Variants in MACF1 observed in about 807,000 individuals in gnomAD.
MACF1 encodes microtubule actin crosslinking factor 1.
MACF1 carries 193 observed loss-of-function variants against 854.8 expected under a neutral mutation model. The observed-to-expected ratio is 0.23, with a 90% CI of 0.20 to 0.25. MACF1 has a LOEUF of 0.25. Ranked by LOEUF, MACF1 falls within the 10% of genes least tolerant of loss-of-function variation. MACF1 has a pLI of 1.00. For synonymous variants in MACF1, 3,185 were observed against 3,226.7 expected (o/e 0.99, Z 0.44); for missense variants, 7,722 against 8,929.1 (o/e 0.86, Z 5.45).
intron 6 of MACF1, among the ~76,000 whole-genome samples, chr1:39,278,132 G>C (rs544103197): frequency 1.3e-5 from 2 of 152,314 alleles, no homozygotes; most frequent in East Asian, 3.9e-4. Flanking sequence ...AAAAAGCCCA[G>C]ATGAGGGAGA....
rs10588247 is a variant in MACF1, at chr1:39,389,351, GTTTTTTTTTTTT to G, written c.15816+707_15816+718del. 1.3e-4 allele frequency among the ~76,000 whole-genome samples: 8 copies of G among 63,484 alleles called. No homozygotes were observed. The South Asian group carries it at 3.0e-3, about 24-fold the overall frequency. 41.6% of individuals were successfully genotyped at this position (63,484 alleles called of 152,430 possible). A position where few individuals can be genotyped will look rare whatever the true frequency, so the allele number is the denominator to read the frequency against. ...ATCTTCAGGTCTCTGGTTTTTGTGT[GTTTTTTTTTTTT>G]TTTTTTTTTTTTTGGAGACAGAGTC... On this transcript the variant is annotated intron_variant, in intron 58 of 100. Transcript: ENST00000564288.
chr1:39,337,521 T>C (rs1022580296), intron 38 of MACF1, among the ~76,000 whole-genome samples, 190 bp downstream of exon 38: 2 of 151,420 alleles, frequency 1.3e-5, no homozygotes, highest in Non-Finnish European at 2.9e-5. Context: ...CAGGATAAAC[T>C]TGAACAGACC....
At chr1:39,240,387 C>T (rs1027703381) in intron 2 of MACF1, among the ~76,000 whole-genome samples, 3 of 152,172 alleles carry the variant, frequency 2.0e-5, no homozygotes, top group African/African-American at 7.2e-5. Context: ...CTTAATTTCA[C>T]TCTAAATGCT....
intron 2 of MACF1, among the ~76,000 whole-genome samples, chr1:39,177,239 G>T (rs1366362605): frequency 6.6e-6 from 1 of 152,136 alleles, no homozygotes; most frequent in Non-Finnish European, 1.5e-5. Context: ...AGGTTCAAGC[G>T]ATTCTCCTGC....
chr1:39,398,973 C>G (rs535862149), intron 58 of MACF1, among the ~76,000 whole-genome samples: 1 of 152,256 alleles, frequency 6.6e-6, no homozygotes, highest in South Asian at 2.1e-4. Flanking sequence ...AACAAAGGAC[C>G]CTCTGTTAAG....
At chr1:39,278,867 T>A (rs1645490259) in intron 6 of MACF1, among the ~76,000 whole-genome samples, 1 of 152,134 alleles carries the variant, frequency 6.6e-6, no homozygotes, top group South Asian at 2.1e-4. Flanking sequence ...CAGCCCCAGG[T>A]AGATCTGGAG....
intron 31 of MACF1, among the ~76,000 whole-genome samples, chr1:39,322,233 A>G (rs1365115052): frequency 6.6e-6 from 1 of 152,238 alleles, no homozygotes; most frequent in Non-Finnish European, 1.5e-5. Context: ...TGAGCAAACT[A>G]TGACCCACAG....
rs1322786827 is a variant in MACF1 at position 39,103,097 on chromosome 1, T to TA, written c.220+18660dup. On this transcript the variant is annotated intron_variant, in intron 2 of 93. Transcript: ENST00000361689. ...CAATTTGAGTCTTAGAGAAGCTCTC[T>TA]AGCCACAACCTAAAGCAGAAGTTTC... is the stretch of plus-strand genomic sequence containing the variant. 4 of 584,958 alleles carry TA rather than the reference T, an allele frequency of 6.8e-6. No homozygotes were observed. The African/African-American group carries it at 7.4e-5, about 11-fold the overall frequency. The allele number at this position is 584,958 out of a possible 1,614,324, so 36.2% of individuals were successfully genotyped here. A position where few individuals can be genotyped will look rare whatever the true frequency, so the allele number is the denominator to read the frequency against.
intron 30 of MACF1, 95 bp from the exon 31 acceptor site, chr1:39,319,569 A>G (rs897648357): frequency 9.9e-6 from 8 of 808,366 alleles, no homozygotes; most frequent in Admixed American, 2.3e-5. Flanking sequence ...TGATGCAGCT[A>G]AGGTTTGGAA....
intron 44 of MACF1, among the ~76,000 whole-genome samples, chr1:39,353,888 G>A (rs1374157521): frequency 6.6e-6 from 1 of 151,880 alleles, no homozygotes; most frequent in Non-Finnish European, 1.5e-5. Flanking sequence ...AGATATTATT[G>A]TAGTTTAGAA....
chr1:39,411,460 G>A (rs1322034262), intron 58 of MACF1: 14 of 1,613,696 alleles, frequency 8.7e-6, no homozygotes, highest in African/African-American at 2.7e-5. Flanking sequence ...TTGCCCTGAT[G>A]ACCCACAGCC....
chr1:39,380,803 T>G (rs1259126788), intron 55 of MACF1, among the ~76,000 whole-genome samples: 1 of 151,974 alleles, frequency 6.6e-6, no homozygotes, highest in African/African-American at 2.4e-5. Context: ...TCCTAGCTAC[T>G]GGGGAGGCTG....
At chr1:39,285,413 C>T (rs1343824270) in intron 13 of MACF1, 23 bp downstream of exon 13, 1 of 1,610,176 alleles carries the variant, frequency 6.2e-7, no homozygotes. Context: ...CTGTTTTGTC[C>T]AACATCTGTG....
intron 2 of MACF1, among the ~76,000 whole-genome samples, chr1:39,167,481 C>T (rs529487197): frequency 5.6e-4 from 85 of 151,422 alleles, no homozygotes; most frequent in African/African-American, 1.9e-3. Context: ...CCGAGGTGAG[C>T]GGATCACCTG....
At chr1:39,292,119 T>C (rs919773893) in intron 16 of MACF1, 81 bp downstream of exon 16, 35 of 1,501,928 alleles carry the variant, frequency 2.3e-5, no homozygotes, top group Non-Finnish European at 3.0e-5. Context: ...TAAAGCTGTA[T>C]TGAAGGAGGA....
chr1:39,148,667 G>C (rs1340126366), intron 2 of MACF1, among the ~76,000 whole-genome samples: 3 of 152,186 alleles, frequency 2.0e-5, no homozygotes, highest in African/African-American at 7.2e-5. Flanking sequence ...CTCTTGTATG[G>C]ATGCATTGCA....
intron 66 of MACF1, among the ~76,000 whole-genome samples, chr1:39,432,023 A>T (rs1643883793): frequency 6.6e-6 from 1 of 152,156 alleles, no homozygotes; most frequent in Non-Finnish European, 1.5e-5. Flanking sequence ...CATGAAACTA[A>T]CAGTCACGTA....
chr1:39,135,001 A>T (rs1643128621), intron 2 of MACF1, among the ~76,000 whole-genome samples: 1 of 152,134 alleles, frequency 6.6e-6, no homozygotes, highest in African/African-American at 2.4e-5. Context: ...TATGCATTTG[A>T]CTACTCTATG....
chr1:39,161,581 C>T (rs998284894), intron 2 of MACF1, among the ~76,000 whole-genome samples: 1 of 151,962 alleles, frequency 6.6e-6, no homozygotes. Context: ...AAAAACTAGC[C>T]GGTGGCTGGG....
Sources: gnomAD v4.1 joint callset for allele counts (sites outside exome capture counted in the v4.1 genomes callset) on GRCh38, gnomAD v4.1.1 for gene constraint, MANE v1.5 for transcripts, NCBI Gene and HGNC (gene_info 2026-07-23, HGNC 2026-07-21) for gene names.